Variants in TRAK1 observed in about 807,000 individuals in gnomAD.
TRAK1 encodes the protein trafficking kinesin protein 1.
A neutral mutation model predicts 92.1 loss-of-function variants in TRAK1; 33 were observed. That is an observed-to-expected ratio of 0.36 (90% CI 0.27 to 0.48). The LOEUF (loss-of-function observed/expected upper bound fraction) is 0.48, where lower values mean the gene tolerates loss of function less well. TRAK1 is among the 20% of genes least tolerant of loss of function. The pLI, the probability that TRAK1 is intolerant of heterozygous loss-of-function variation, is 0.99. For synonymous variants in TRAK1, 521 were observed against 517.3 expected (o/e 1.01, Z -0.10); for missense variants, 1,123 against 1,257.9 (o/e 0.89, Z 1.62).
intron 1 of TRAK1, among the ~76,000 whole-genome samples, chr3:42,110,129 T>TATATATATATATATATATAA (rs1553719444): frequency 3.1e-5 from 4 of 128,500 alleles, no homozygotes; most frequent in African/African-American, 1.2e-4. Flanking sequence ...TATATATATA[T>TATATATATATATATATATAA]ATAAACTTTG....
At chr3:42,077,999 G>A (rs1471373644) in intron 1 of TRAK1, among the ~76,000 whole-genome samples, 3 of 152,242 alleles carry the variant, frequency 2.0e-5, no homozygotes, top group Non-Finnish European at 4.4e-5. Flanking sequence ...TGACAAGTGG[G>A]TGGTGGCACC....
At chr3:42,065,949 C>T (rs1703658647) in intron 1 of TRAK1, among the ~76,000 whole-genome samples, 1 of 152,184 alleles carries the variant, frequency 6.6e-6, no homozygotes, top group Admixed American at 6.5e-5. Context: ...ATCCTAACTC[C>T]ATGTTGAGCT....
intron 2 of TRAK1, chr3:42,160,435 C>G: frequency 3.7e-6 from 6 of 1,614,194 alleles, no homozygotes; most frequent in Non-Finnish European, 5.1e-6. Flanking sequence ...AGGAAGCCAA[C>G]CCACAGGCAG....
chr3:42,028,620 G>GA (rs1702004639), intron 1 of TRAK1, among the ~76,000 whole-genome samples: 2 of 152,230 alleles, frequency 1.3e-5, no homozygotes, highest in African/African-American at 4.8e-5. Flanking sequence ...AAGCTTCCCA[G>GA]GCAGAGCAAA....
chr3:42,112,009 C>G (rs1193861900), intron 1 of TRAK1, among the ~76,000 whole-genome samples: 1 of 150,748 alleles, frequency 6.6e-6, no homozygotes. Context: ...CTTTTCTGTA[C>G]CAGGTGTGTG....
chr3:42,052,842 C>T (rs758776977), intron 1 of TRAK1, among the ~76,000 whole-genome samples: 3 of 152,110 alleles, frequency 2.0e-5, no homozygotes, highest in Non-Finnish European at 4.4e-5. Context: ...GGTAAGGGCT[C>T]CAGGATGTCA....
chr3:42,045,272 C>A (rs935061943), intron 1 of TRAK1, among the ~76,000 whole-genome samples: 2 of 152,146 alleles, frequency 1.3e-5, no homozygotes, highest in Admixed American at 1.3e-4. Context: ...TGGTGACTCA[C>A]GCCTATAATC....
intron 3 of TRAK1, among the ~76,000 whole-genome samples, chr3:42,183,586 A>G (rs980204772): frequency 6.6e-6 from 1 of 151,012 alleles, no homozygotes; most frequent in Non-Finnish European, 1.5e-5. Flanking sequence ...GAAAGAATCA[A>G]TCTGTAGTGT....
At chr3:42,161,418 C>T (rs1458324357) in intron 2 of TRAK1, among the ~76,000 whole-genome samples, 1 of 152,046 alleles carries the variant, frequency 6.6e-6, no homozygotes, top group East Asian at 1.9e-4. Flanking sequence ...ACTCTGTTGC[C>T]CAGGCTGCGG....
At chr3:42,099,219 G>A (rs1706382279) in intron 1 of TRAK1, among the ~76,000 whole-genome samples, 1 of 152,232 alleles carries the variant, frequency 6.6e-6, no homozygotes, top group African/African-American at 2.4e-5. Context: ...TGCACTCGGT[G>A]GAGAGGACGG....
At chr3:42,053,371 C>A (rs1169113377) in intron 1 of TRAK1, among the ~76,000 whole-genome samples, 1 of 1,108 alleles carries the variant, frequency 9.0e-4, no homozygotes, top group Non-Finnish European at 1.9e-3. Context: ...CATTCAGAGT[C>A]GGGTGGGGGG....
intron 1 of TRAK1, among the ~76,000 whole-genome samples, chr3:42,097,812 A>C (rs969389149): frequency 6.6e-6 from 1 of 152,182 alleles, no homozygotes; most frequent in Non-Finnish European, 1.5e-5. Flanking sequence ...TGAGTTTTTA[A>C]ATTTCCCAGA....
chr3:42,013,684 C>G (rs1022737281), upstream of TRAK1: 1 of 146,940 alleles, frequency 6.8e-6, no homozygotes, highest in Non-Finnish European at 1.5e-5. The surrounding 1 kb of genome is among the most constrained non-coding windows in gnomAD (Gnocchi z 5.1). Context: ...CGGCGGCGCC[C>G]GCAACAGTGC....
intron 1 of TRAK1, among the ~76,000 whole-genome samples, chr3:42,052,958 AT>A (rs1358458631): frequency 1.3e-5 from 2 of 152,146 alleles, no homozygotes; most frequent in African/African-American, 4.8e-5. Flanking sequence ...CTACTGGCAC[AT>A]TTTGGACCTC....
intron 14 of TRAK1, chr3:42,217,709 G>A: frequency 1.0e-6 from 1 of 985,270 alleles, no homozygotes; most frequent in Non-Finnish European, 1.2e-6. Context: ...TCTATTTACT[G>A]CTTTCCCCCT....
intron 15 of TRAK1, 57 bp from the exon 16 acceptor site, chr3:42,222,885 C>G (rs1455720296): frequency 6.4e-7 from 1 of 1,565,708 alleles, no homozygotes; most frequent in Non-Finnish European, 8.7e-7. Flanking sequence ...GGCCACTGAC[C>G]CTTTCTCTGG....
intron 14 of TRAK1, chr3:42,217,645 C>A (rs1709868444): frequency 1.0e-6 from 1 of 985,238 alleles, no homozygotes; most frequent in Non-Finnish European, 1.2e-6. Context: ...ATCCAGCCTT[C>A]CCTTGTTTGA....
At chr3:42,112,210 C>T (rs555387128) in intron 1 of TRAK1, among the ~76,000 whole-genome samples, 32 of 136,586 alleles carry the variant, frequency 2.3e-4, no homozygotes, top group East Asian at 1.4e-3. Flanking sequence ...GGCGCGATCT[C>T]GGCTCATTGC....
intron 15 of TRAK1, among the ~76,000 whole-genome samples, 190 bp downstream of exon 15, chr3:42,219,786 G>GTT (rs397989334): frequency 0.028 from 1,772 of 63,402 alleles, 318 homozygotes; most frequent in African/African-American, 0.041. Flanking sequence ...GTTGTTATGT[G>GTT]TTTTTTTTTT....
Sources: allele counts gnomAD v4.1 joint callset (sites outside exome capture counted in the v4.1 genomes callset), GRCh38; gene constraint gnomAD v4.1.1; non-coding constraint Gnocchi (gnomAD v3.1); transcripts MANE v1.5; gene names NCBI Gene and HGNC (gene_info 2026-07-23, HGNC 2026-07-21).